RBPMS: variants seen among roughly 807,000 people sequenced by gnomAD.
RBPMS encodes RNA binding protein, mRNA processing factor.
RBPMS carries 7 observed loss-of-function variants against 26.8 expected under a neutral mutation model. That is an observed-to-expected ratio of 0.26 (90% CI 0.15 to 0.49). The LOEUF (loss-of-function observed/expected upper bound fraction) is 0.49. RBPMS is among the 20% of genes least tolerant of loss of function. The pLI, the probability that RBPMS is intolerant of heterozygous loss-of-function variation, is 0.98. For synonymous variants in RBPMS, 96 were observed against 93.3 expected, an observed-to-expected ratio of 1.03 and a Z score of -0.17; for missense variants, 186 against 250.0, an observed-to-expected ratio of 0.74 and a Z score of 1.73.
chr8:30,530,213 C>G (rs950664227), intron 5 of RBPMS, among the ~76,000 whole-genome samples: 4 of 152,190 alleles, frequency 2.6e-5, no homozygotes, highest in African/African-American at 9.7e-5. Flanking sequence ...ACAACACAAG[C>G]TGAGAACCAC....
At chr8:30,477,054 T>G (rs967757092) in intron 2 of RBPMS, among the ~76,000 whole-genome samples, 3 of 152,144 alleles carry the variant, frequency 2.0e-5, no homozygotes, top group Non-Finnish European at 4.4e-5. Context: ...TCAGGGAGTT[T>G]TACCAACTAT....
chr8:30,516,100 C>T (rs762964661), intron 5 of RBPMS, among the ~76,000 whole-genome samples: 31 of 152,180 alleles, frequency 2.0e-4, no homozygotes, highest in Non-Finnish European at 4.1e-4. Flanking sequence ...CATTTTTTGG[C>T]CAGGCACAGT....
At chr8:30,556,304 G>A in intron 6 of RBPMS, 2 of 985,678 alleles carry the variant, frequency 2.0e-6, no homozygotes, top group Non-Finnish European at 2.4e-6. Context: ...TCACTCTGGA[G>A]TGCGCCTCGA....
chr8:30,445,911 C>T (rs1403142445), intron 1 of RBPMS, among the ~76,000 whole-genome samples: 2 of 152,030 alleles, frequency 1.3e-5, no homozygotes, highest in African/African-American at 2.4e-5. Flanking sequence ...GTGATCCACC[C>T]GCCTCAGCCT....
At chr8:30,549,299 C>T (rs552929741) in intron 6 of RBPMS, among the ~76,000 whole-genome samples, 61 of 152,332 alleles carry the variant, frequency 4.0e-4, no homozygotes, top group Non-Finnish European at 7.2e-4. Context: ...TGACCCCAGA[C>T]TGCCTTGTCC....
intron 6 of RBPMS, among the ~76,000 whole-genome samples, chr8:30,549,872 G>A (rs184561571): frequency 0.045 from 6,082 of 134,138 alleles, 163 homozygotes; most frequent in South Asian, 0.069. Context: ...TTTTTCTGAG[G>A]CAGAGTCTCG....
intron 1 of RBPMS, among the ~76,000 whole-genome samples, chr8:30,467,500 G>A (rs867523937): frequency 1.3e-5 from 2 of 152,300 alleles, no homozygotes; most frequent in South Asian, 4.1e-4. Flanking sequence ...TCAGAAGAGG[G>A]ATGGCACTGC....
chr8:30,463,353 T>C (rs1452082892), intron 1 of RBPMS, among the ~76,000 whole-genome samples: 1 of 152,236 alleles, frequency 6.6e-6, no homozygotes, highest in African/African-American at 2.4e-5. Context: ...TAGCTGGGGC[T>C]GCGGTCATCT....
chr8:30,465,730 A>G (rs1816422550), intron 1 of RBPMS, among the ~76,000 whole-genome samples: 1 of 152,218 alleles, frequency 6.6e-6, no homozygotes, highest in Non-Finnish European at 1.5e-5. Flanking sequence ...TGGAGGTTGC[A>G]GTGTGCCGAA....
chr8:30,426,790 G>T (rs1054318246), intron 1 of RBPMS, among the ~76,000 whole-genome samples: 1 of 151,664 alleles, frequency 6.6e-6, no homozygotes, highest in Non-Finnish European at 1.5e-5. Flanking sequence ...CATGTTTTGG[G>T]GGATCGTTGA....
chr8:30,552,868 TC>T (rs1826509877), intron 6 of RBPMS: 1 of 152,222 alleles, frequency 6.6e-6, no homozygotes, highest in Admixed American at 6.5e-5. Context: ...GTACTCACAG[TC>T]CTAGGACCTT....
chr8:30,412,728 T>TA (rs1809598722), intron 1 of RBPMS, among the ~76,000 whole-genome samples: 1 of 152,198 alleles, frequency 6.6e-6, no homozygotes, highest in Non-Finnish European at 1.5e-5. Flanking sequence ...AACATTCCAA[T>TA]AGTACTTCAT....
intron 1 of RBPMS, among the ~76,000 whole-genome samples, chr8:30,412,836 A>G (rs1456157235): frequency 6.6e-6 from 1 of 152,234 alleles, no homozygotes. Context: ...CAACAATAGT[A>G]TGTAAACATG....
In RBPMS at chr8:30,459,758, A is replaced by C. The variant is rs141325561; in HGVS notation, c.67-15021A>C. On this transcript the variant is annotated intron_variant, in intron 1 of 8. Coordinates refer to ENST00000397323, the MANE Select transcript of RBPMS (RefSeq NM_001008710.3). The stretch of plus-strand genomic sequence containing the variant: ...TTTAATGGTCTTTTCCTCCCATTAT[A>C]GTCATTAAAAATTTATACAGTGCCA... 3.3e-5 allele frequency among the ~76,000 whole-genome samples: 5 copies of C among 152,352 alleles called. No homozygotes were observed. In the South Asian group the frequency reaches 1.0e-3, roughly 32 times the overall value.
At chr8:30,475,838 C>T (rs1817630478) in intron 2 of RBPMS, among the ~76,000 whole-genome samples, 1 of 152,146 alleles carries the variant, frequency 6.6e-6, no homozygotes, top group African/African-American at 2.4e-5. Flanking sequence ...ATAAGTCCAC[C>T]TGACAGCCAT....
intron 4 of RBPMS, among the ~76,000 whole-genome samples, chr8:30,484,065 G>C (rs1361968549): frequency 2.0e-5 from 3 of 152,284 alleles, no homozygotes; most frequent in African/African-American, 7.2e-5. Context: ...TGATGTGTAA[G>C]TATCTGAATC....
intron 1 of RBPMS, among the ~76,000 whole-genome samples, chr8:30,460,903 T>A (rs895340265): frequency 1.3e-5 from 2 of 152,162 alleles, no homozygotes; most frequent in Admixed American, 1.3e-4. Flanking sequence ...CACAAAAAAT[T>A]AGCCAGGCAT....
chr8:30,519,458 C>CTTTT (rs36017963), intron 5 of RBPMS, among the ~76,000 whole-genome samples: 2 of 89,460 alleles, frequency 2.2e-5, no homozygotes, highest in African/African-American at 8.8e-5. Context: ...GGATCTCTCT[C>CTTTT]TTTTTTTTTT....
intron 4 of RBPMS, among the ~76,000 whole-genome samples, chr8:30,485,146 T>C (rs536554686): frequency 1.3e-5 from 2 of 152,328 alleles, no homozygotes; most frequent in South Asian, 4.1e-4. Context: ...TAGAAACATT[T>C]TGGCTTGGTT....
Sources: allele counts gnomAD v4.1 joint callset (sites outside exome capture counted in the v4.1 genomes callset), GRCh38; gene constraint gnomAD v4.1.1; transcripts MANE v1.5; gene names NCBI Gene and HGNC (gene_info 2026-07-23, HGNC 2026-07-21).